Variants in HSH2D observed in about 807,000 individuals in gnomAD.
The protein encoded by HSH2D is hematopoietic SH2 domain-containing protein.
A neutral mutation model predicts 21.5 loss-of-function variants in HSH2D; 16 were observed. That is an observed-to-expected ratio of 0.74 (90% CI 0.50 to 1.13). The LOEUF is 1.13. HSH2D is among the 50% of genes most tolerant of loss of function. The pLI is 0.00. For missense variants in HSH2D, 418 were observed against 441.4 expected, an observed-to-expected ratio of 0.95 and a Z score of 0.47; for synonymous variants, 172 against 184.7, an observed-to-expected ratio of 0.93 and a Z score of 0.56.
Position 16,148,845 on chromosome 19 carries a change from C to T in HSH2D, c.95C>T (p.Pro32Leu), listed in dbSNP as rs2091108328. ...GGCCAGCTGGCCCAAGACGGGGTCC[C>T]CGAGTGGTTCCATGGTGCAATCTCA... Reference protein sequence around the residue: ...QMGQLAQDGVPEWFHGAISRE... With the variant: ...QMGQLAQDGVLEWFHGAISRE... Residue 32 changes from proline to leucine, a missense_variant, in exon 2 of 6, where the codon CCC becomes CTC. Pro to Leu is a moderately conservative substitution (Grantham distance 98). Coordinates refer to ENST00000613986, the MANE Select transcript of HSH2D (RefSeq NM_001382417.1). The T allele has an allele frequency of 2.5e-6, 4 of 1,613,544 alleles. No homozygotes were observed. In the East Asian group the frequency reaches 8.9e-5, roughly 36 times the overall value.
chr19:16,156,454 G>A (rs2091238667), intron 5 of HSH2D, among the ~76,000 whole-genome samples: 1 of 152,098 alleles, frequency 6.6e-6, no homozygotes, highest in Non-Finnish European at 1.5e-5. Context: ...AAAGCACTGG[G>A]ATTACAGGCA....
In HSH2D at chr19:16,152,545, C is replaced by T; in HGVS notation, c.126-7C>T. On this transcript the variant is annotated splice_polypyrimidine_tract_variant and splice_region_variant and intron_variant, in intron 2 of 5. Coordinates refer to ENST00000613986, the MANE Select transcript of HSH2D (RefSeq NM_001382417.1). Reference sequence around the variant, plus strand: ...GTTTCATTTCCTTTCTGTGTGTGCCCTTCCAGGGATGCTGAGAACTTGCTG... The same window carrying T: ...GTTTCATTTCCTTTCTGTGTGTGCCTTTCCAGGGATGCTGAGAACTTGCTG... 3.4e-6 allele frequency: 5 copies of T among 1,483,642 alleles called. No individual in the cohort carries two copies. Among genetic ancestry groups the T allele is most frequent in the Non-Finnish European group, 4.5e-6 (5 of 1,117,780 alleles). The allele number at this position is 1,483,642 out of a possible 1,614,324, so 91.9% of individuals were successfully genotyped here.
At chr19:16,134,588 G>A (rs1439489242) in intron 1 of HSH2D, among the ~76,000 whole-genome samples, 1 of 146,046 alleles carries the variant, frequency 6.8e-6, no homozygotes, top group Non-Finnish European at 1.5e-5. Context: ...GGTTTCACCT[G>A]CCACTCTCTA....
At chr19:16,155,529 A>AG (rs1487779210) in intron 5 of HSH2D, 2 of 152,070 alleles carry the variant, frequency 1.3e-5, no homozygotes, top group African/African-American at 4.8e-5. Flanking sequence ...AAGGGCCAAT[A>AG]GTGCAGGGCC....
chr19:16,135,924 G>T (rs1209486195), intron 1 of HSH2D, among the ~76,000 whole-genome samples: 2 of 152,186 alleles, frequency 1.3e-5, no homozygotes, highest in African/African-American at 4.8e-5. Flanking sequence ...GGCCTCTAGG[G>T]TGAGCACAAG....
chr19:16,147,138 T>A (rs138585011), intron 1 of HSH2D, among the ~76,000 whole-genome samples: 1 of 152,098 alleles, frequency 6.6e-6, no homozygotes, highest in South Asian at 2.1e-4. Context: ...AAATACTCTA[T>A]TCTTAAATTT....
chr19:16,156,249 C>T (rs1323486711), intron 5 of HSH2D, among the ~76,000 whole-genome samples: 2 of 151,838 alleles, frequency 1.3e-5, no homozygotes, highest in Non-Finnish European at 2.9e-5. Context: ...ACTCTGGGGG[C>T]TGAGGTGGGA....
chr19:16,147,630 TTTTTTTTTGTTTTG>T (rs1568329455), intron 1 of HSH2D, among the ~76,000 whole-genome samples: 9 of 149,798 alleles, frequency 6.0e-5, no homozygotes, highest in African/African-American at 2.0e-4. Context: ...AGCCAGTGGT[TTTTTTTTTGTTTTG>T]TTTTGTTTTG....
At chr19:16,155,619 C>CTTTTTTTTTTTTTTTTTT (rs35262744) in intron 5 of HSH2D, 5 of 114,160 alleles carry the variant, frequency 4.4e-5, no homozygotes, top group African/African-American at 1.6e-4. Flanking sequence ...CATGGGAGGA[C>CTTTTTTTTTTTTTTTTTT]TTTTTTTTTT....
chr19:16,143,256 C>T (rs922357720), upstream of HSH2D, among the ~76,000 whole-genome samples: 6 of 151,844 alleles, frequency 4.0e-5, no homozygotes, highest in African/African-American at 1.2e-4. Context: ...GGCTGATTTT[C>T]GTATTTTAAT....
chr19:16,153,962 G>C (rs190125292), intron 4 of HSH2D, among the ~76,000 whole-genome samples: 2 of 138,596 alleles, frequency 1.4e-5, no homozygotes, highest in South Asian at 2.3e-4. Context: ...TATAGGGCTT[G>C]GTGTGCCTGG....
intron 1 of HSH2D, among the ~76,000 whole-genome samples, chr19:16,135,427 T>C (rs1013597466): frequency 3.3e-5 from 5 of 150,692 alleles, no homozygotes; most frequent in Admixed American, 1.3e-4. Context: ...AGACCCTTTC[T>C]CAAAAAAAAA....
At chr19:16,153,329 C>T in intron 4 of HSH2D, 121 bp downstream of exon 4, 1 of 978,758 alleles carries the variant, frequency 1.0e-6, no homozygotes, top group Non-Finnish European at 1.4e-6. Context: ...GTCCTTGGCC[C>T]CTCCGGCCCC....
chr19:16,136,438 G>A (rs891545114), intron 1 of HSH2D, among the ~76,000 whole-genome samples: 6 of 152,116 alleles, frequency 3.9e-5, no homozygotes, highest in Non-Finnish European at 5.9e-5. Context: ...CAAGACCCAC[G>A]GTGATAGAGG....
intron 1 of HSH2D, among the ~76,000 whole-genome samples, chr19:16,145,296 T>G (rs1324740634): frequency 6.6e-6 from 1 of 152,116 alleles, no homozygotes; most frequent in Non-Finnish European, 1.5e-5. Flanking sequence ...CACTGCAACC[T>G]CCGCCTCCCA....
intron 1 of HSH2D, among the ~76,000 whole-genome samples, chr19:16,145,405 G>A (rs552516950): frequency 4.2e-4 from 64 of 151,986 alleles, no homozygotes; most frequent in Admixed American, 3.7e-3. Context: ...TAGAGATGGG[G>A]TTTCACCATG....
In HSH2D at chr19:16,143,756, C is replaced by T. The variant is rs1037963639; in HGVS notation, c.-46C>T. On this transcript the variant is annotated 5_prime_UTR_variant, in exon 1 of 6. Transcript: ENST00000613986. Reference sequence around the variant, plus strand: ...GGCACAGCTACAGCGAGGGCCTCGGCCATCCAAGGGTCTCCCAGGTATGTG... The same window carrying T: ...GGCACAGCTACAGCGAGGGCCTCGGTCATCCAAGGGTCTCCCAGGTATGTG... The T allele has an allele frequency of 1.1e-5, 5 of 453,456 alleles. No homozygotes were observed. The highest frequency in any genetic ancestry group is 2.2e-5 in the Non-Finnish European group (5 of 225,182). 28.1% of individuals were successfully genotyped at this position (453,456 alleles called of 1,614,324 possible).
At chr19:16,153,283 C>A in intron 4 of HSH2D, 75 bp downstream of exon 4, 1 of 1,314,366 alleles carries the variant, frequency 7.6e-7, no homozygotes, top group Non-Finnish European at 1.0e-6. Flanking sequence ...GTTTCCCACG[C>A]CCCCATCAGC....
chr19:16,135,633 C>T (rs939038901), intron 1 of HSH2D, among the ~76,000 whole-genome samples: 9 of 152,140 alleles, frequency 5.9e-5, no homozygotes, highest in African/African-American at 2.2e-4. Context: ...TGAGAAGGCC[C>T]CAGGGCCTTT....
Sources: allele counts gnomAD v4.1 joint callset (sites outside exome capture counted in the v4.1 genomes callset), GRCh38; gene constraint gnomAD v4.1.1; transcripts MANE v1.5; gene names NCBI Gene and HGNC (gene_info 2026-07-23, HGNC 2026-07-21).